SLC26A5: variants seen among roughly 807,000 people sequenced by gnomAD.
SLC26A5 encodes prestin.
Under a neutral mutation model 81.0 loss-of-function variants are expected in SLC26A5, and 51 were observed. That is an observed-to-expected ratio of 0.63 (90% CI 0.50 to 0.80). SLC26A5 has a LOEUF of 0.80. Among genes scored for constraint, SLC26A5 ranks in the 30% least tolerant of loss-of-function variants. The pLI, the probability that SLC26A5 is intolerant of heterozygous loss-of-function variation, is 0.00. For missense variants in SLC26A5, 771 were observed against 905.8 expected (o/e 0.85, Z 1.91); for synonymous variants, 325 against 332.8 (o/e 0.98, Z 0.25).
At chr7:103,357,786 G>T (rs1000452377) in intron 19 of SLC26A5, among the ~76,000 whole-genome samples, 2 of 152,004 alleles carry the variant, frequency 1.3e-5, no homozygotes, top group African/African-American at 4.8e-5. Flanking sequence ...CATTTGCCTG[G>T]TTTTCTGTGC....
At chr7:103,372,135 G>A (rs1023939264), downstream of SLC26A5, among the ~76,000 whole-genome samples, 2 of 152,248 alleles carry the variant, frequency 1.3e-5, no homozygotes, top group African/African-American at 4.8e-5. Flanking sequence ...GTATCAGAAT[G>A]CAGATGTATC....
At chr7:103,419,051 G>C (rs1369027630) in intron 4 of SLC26A5, among the ~76,000 whole-genome samples, 1 of 152,082 alleles carries the variant, frequency 6.6e-6, no homozygotes, top group Non-Finnish European at 1.5e-5. Context: ...GAGATCTGAT[G>C]ATTTTACGAG....
At position 103,441,114 on chromosome 7, in the gene SLC26A5, C is replaced by G. The variant is rs76850911; in HGVS notation, c.-54+1969G>C. On this transcript the variant is annotated intron_variant, in intron 2 of 19. Coordinates refer to ENST00000306312, the MANE Select transcript of SLC26A5 (RefSeq NM_198999.3). ...GGCTTATAGCAGAGATAAGACTAAT[C>G]GAGAAAGAAAAGAGAGAAATTAAGT... Among the ~76,000 whole-genome samples the G allele has an allele frequency of 9.7e-3, 1,469 of 152,174 alleles. 24 individuals are homozygous for G. Among genetic ancestry groups the G allele is most frequent in the African/African-American group, 0.034 (1,419 of 41,510 alleles).
At chr7:103,442,182 C>T (rs1191467326) in intron 2 of SLC26A5, among the ~76,000 whole-genome samples, 1 of 152,088 alleles carries the variant, frequency 6.6e-6, no homozygotes, top group Non-Finnish European at 1.5e-5. Context: ...GCTCTTGTTG[C>T]CCAGGCTGGA....
intron 4 of SLC26A5, among the ~76,000 whole-genome samples, chr7:103,417,951 T>C (rs1034687990): frequency 2.6e-5 from 4 of 152,206 alleles, no homozygotes; most frequent in Non-Finnish European, 4.4e-5. Flanking sequence ...TTCACCATGT[T>C]GGTCAGTCTT....
chr7:103,369,159 T>C (rs1563500187), intron 19 of SLC26A5: 1 of 152,228 alleles, frequency 6.6e-6, no homozygotes, highest in African/African-American at 2.4e-5. Context: ...TTATGAAAGT[T>C]TTCAAGTAAA....
rs555095979 is a variant in SLC26A5 at position 103,398,244 on chromosome 7, T to C, written c.889-230A>G. ...TATGACCTGGCATTTTCTTCATGCT[T>C]TGTCCTTTTCTATACTAAGGCGTCT... is the stretch of plus-strand genomic sequence containing the variant. On this transcript the variant is annotated intron_variant, in intron 8 of 19. Coordinates refer to ENST00000306312, the MANE Select transcript of SLC26A5 (RefSeq NM_198999.3). 2.8e-4 allele frequency among the ~76,000 whole-genome samples: 42 copies of C among 152,322 alleles called. No individual in the cohort carries two copies. The South Asian group carries it at 8.7e-3, about 32-fold the overall frequency.
rs1375081915 is a variant in SLC26A5 at position 103,367,044 on chromosome 7, A to AT, written c.2041+9763dup. 1.3e-5 allele frequency among the ~76,000 whole-genome samples: 2 copies of AT among 152,138 alleles called. No individual in the cohort carries two copies. The highest frequency in any genetic ancestry group is 6.6e-5 in the Admixed American group (1 of 15,260). ...GGTCTCGAACTCCTGAGGACAAGTT[A>AT]TTTTAACTAATCTCTGAGCCTCAGT... On this transcript the variant is annotated intron_variant, in intron 19 of 19. Coordinates refer to the SLC26A5 transcript ENST00000339444. This position sits in a 1 kb window ranked among gnomAD's most constrained non-coding sequence, Gnocchi z 6.1.
Position 103,389,073 on chromosome 7 carries a change from T to A in SLC26A5, c.1449A>T (p.Gly483=). 2 of 1,613,768 alleles carry A rather than the reference T, an allele frequency of 1.2e-6. No individual in the cohort carries two copies. The highest frequency in any genetic ancestry group is 1.7e-6 in the Non-Finnish European group (2 of 1,179,902). The change falls in exon 14 of 20, where the codon GGA becomes GGT. Residue 483 remains glycine (G), a synonymous_variant. Coordinates refer to ENST00000306312, the MANE Select transcript of SLC26A5 (RefSeq NM_198999.3). ...CAGCAGTGATCAAACCATAGTCCAA[T>A]CCCAGGAACAAGGAGGACACAAAAG... ...LTTFVSSLFL[G]LDYGLITAVI...
At chr7:103,381,694 C>T (rs1380078629) in intron 14 of SLC26A5, among the ~76,000 whole-genome samples, 1 of 149,902 alleles carries the variant, frequency 6.7e-6, no homozygotes, top group Non-Finnish European at 1.5e-5. Flanking sequence ...CAGACACATG[C>T]ATACATACCC....
chr7:103,372,819 T>A (rs557302749), downstream of SLC26A5, among the ~76,000 whole-genome samples: 8 of 149,582 alleles, frequency 5.3e-5, no homozygotes, highest in East Asian at 1.4e-3. Flanking sequence ...CATAATGGAT[T>A]GAAACCCATT....
chr7:103,362,376 T>A, intron 19 of SLC26A5: 1 of 1,338,620 alleles, frequency 7.5e-7, no homozygotes, highest in Non-Finnish European at 9.5e-7. Flanking sequence ...GGGGAGTACT[T>A]GCTTTAGGAT....
intron 19 of SLC26A5, chr7:103,361,965 A>G (rs767340599): frequency 1.3e-5 from 21 of 1,611,256 alleles, no homozygotes; most frequent in Non-Finnish European, 1.7e-5. Context: ...AGGTGTACAA[A>G]GATAATCAAT....
At chr7:103,428,998 T>C (rs979960378) in intron 2 of SLC26A5, among the ~76,000 whole-genome samples, 6 of 152,356 alleles carry the variant, frequency 3.9e-5, no homozygotes, top group South Asian at 2.1e-4. Context: ...CTCCCCATTT[T>C]TCTCTCCTCC....
At chr7:103,423,228 C>T (rs776187323) in intron 2 of SLC26A5, among the ~76,000 whole-genome samples, 19 of 151,960 alleles carry the variant, frequency 1.3e-4, no homozygotes, top group South Asian at 4.2e-4. Context: ...GCTGAGATCG[C>T]GCCATTGTAC....
chr7:103,377,941 C>A, intron 17 of SLC26A5, 142 bp from the exon 18 acceptor site: 2 of 788,324 alleles, frequency 2.5e-6, no homozygotes, highest in Admixed American at 2.0e-5. Context: ...TTGTCATATT[C>A]TAGCCTTGTA....
intron 8 of SLC26A5, among the ~76,000 whole-genome samples, chr7:103,403,201 C>T (rs958385407): frequency 1.3e-5 from 2 of 152,176 alleles, no homozygotes; most frequent in African/African-American, 2.4e-5. Flanking sequence ...GTTTCTTGAT[C>T]GTGAGTTCTA....
At chr7:103,373,950 A>G (rs1303083208), downstream of SLC26A5, among the ~76,000 whole-genome samples, 1 of 152,234 alleles carries the variant, frequency 6.6e-6, no homozygotes, top group Non-Finnish European at 1.5e-5. Flanking sequence ...TTTTAAAACA[A>G]GAACTTCTAG....
At chr7:103,411,297 C>A in intron 6 of SLC26A5, 123 bp downstream of exon 6, 1 of 1,135,008 alleles carries the variant, frequency 8.8e-7, no homozygotes, top group Middle Eastern at 2.0e-4. Flanking sequence ...CAGTTACTCC[C>A]AGAGCTCTGG....
Sources: allele counts gnomAD v4.1 joint callset (sites outside exome capture counted in the v4.1 genomes callset), GRCh38; gene constraint gnomAD v4.1.1; non-coding constraint Gnocchi (gnomAD v3.1); transcripts MANE v1.5; gene names NCBI Gene and HGNC (gene_info 2026-07-23, HGNC 2026-07-21).